The following CDX2 variants were observed in gnomAD, a reference collection of about 807,000 sequenced individuals.
CDX2 encodes homeobox protein CDX-2.
CDX2 carries 7 observed loss-of-function variants against 25.5 expected under a neutral mutation model. The observed-to-expected ratio is 0.27, with a 90% CI of 0.16 to 0.52. The LOEUF is 0.52. Ranked by LOEUF, CDX2 falls within the 20% of genes least tolerant of loss-of-function variation. The probability of loss-of-function intolerance (pLI) is 0.97; values close to 1 mark genes in which losing one functional copy is unlikely to be tolerated. For missense variants in CDX2, 375 were observed against 431.4 expected, an observed-to-expected ratio of 0.87 and a Z score of 1.16; for synonymous variants, 222 against 198.6, an observed-to-expected ratio of 1.12 and a Z score of -0.99.
chr13:27,969,178 C>CCCTCCCTCTGGCCTGCCT lies in CDX2; in HGVS notation c.-190_-173dup. On this transcript the variant is annotated 5_prime_UTR_variant, in exon 1 of 3. Transcript: ENST00000381020. ...GCGGCTCTTCTGCCTCCGAGGCGGT[C>CCCTCCCTCTGGCCTGCCT]CCTCCCTCTGGCCTGCCTCCTCCCT... is the stretch of plus-strand genomic sequence containing the variant. 1.8e-6 allele frequency: 1 copy of CCCTCCCTCTGGCCTGCCT among 559,840 alleles called. No homozygotes were observed. Among genetic ancestry groups the CCCTCCCTCTGGCCTGCCT allele is most frequent in the Admixed American group, 3.6e-5 (1 of 27,986 alleles). 34.7% of individuals were successfully genotyped at this position (559,840 alleles called of 1,614,324 possible).
At chr13:27,967,862 C>G (rs924455901) in intron 1 of CDX2, among the ~76,000 whole-genome samples, 1 of 152,160 alleles carries the variant, frequency 6.6e-6, no homozygotes, top group African/African-American at 2.4e-5. Flanking sequence ...GCCTTAGCAG[C>G]TGGGGCTAGC....
chr13:27,968,073 T>A (rs1869424031), intron 1 of CDX2, among the ~76,000 whole-genome samples: 1 of 152,118 alleles, frequency 6.6e-6, no homozygotes, highest in African/African-American at 2.4e-5. Flanking sequence ...GGTTCGAGCC[T>A]CCCTCTCTCC....
rs1371615066 is a variant in CDX2, at chr13:27,968,547, C to T, written c.460G>A (p.Glu154Lys). 1.3e-6 allele frequency: 2 copies of T among 1,568,466 alleles called. No individual in the cohort carries two copies. Among genetic ancestry groups the T allele is most frequent in the South Asian group, 1.1e-5 (1 of 87,934 alleles). ...PPGPAATAAA[E>K]QLSPGGQRRN... ...CGCTGGCCGCCGGGAGACAGCTGCTCGGCGGCAGCGGTGGCGGCGGGCCCA... is the reference window on the plus strand; with the variant it reads ...CGCTGGCCGCCGGGAGACAGCTGCTTGGCGGCAGCGGTGGCGGCGGGCCCA... The change falls in exon 1 of 3, where the codon GAG (glutamate) becomes AAG (lysine). Residue 154 changes from glutamate to lysine, a missense_variant. Glu to Lys is a moderately conservative substitution (Grantham distance 56). Coordinates refer to ENST00000381020, the MANE Select transcript of CDX2 (RefSeq NM_001265.6).
intron 2 of CDX2, among the ~76,000 whole-genome samples, chr13:27,963,963 T>C (rs1317923116): frequency 6.6e-6 from 1 of 152,218 alleles, no homozygotes; most frequent in Non-Finnish European, 1.5e-5. Flanking sequence ...CTTTAATATG[T>C]CTTTATAGAC....
chr13:27,965,489 A>G (rs1405494253), intron 1 of CDX2, among the ~76,000 whole-genome samples: 1 of 152,062 alleles, frequency 6.6e-6, no homozygotes, highest in Non-Finnish European at 1.5e-5. Flanking sequence ...TTGCTTTACT[A>G]CAAGTGGAAA....
rs181110828 is a variant in CDX2, at chr13:27,963,010, A to G, written c.*105T>C. 12 of 1,301,738 alleles carry G rather than the reference A, an allele frequency of 9.2e-6. No individual in the cohort carries two copies. The highest frequency in any genetic ancestry group is 3.0e-4 in the Middle Eastern group (1 of 3,364). 80.6% of individuals were successfully genotyped at this position (1,301,738 alleles called of 1,614,324 possible). A position where few individuals can be genotyped will look rare whatever the true frequency, so the allele number is the denominator to read the frequency against. On this transcript the variant is annotated 3_prime_UTR_variant, in exon 3 of 3. Transcript: ENST00000381020. Reference sequence around the variant, plus strand: ...CTCTGAGAGCCAGGTCTGTAGGTCTATGGCTGTGGGTGGGAGGGGAGGGGT... The same window carrying G: ...CTCTGAGAGCCAGGTCTGTAGGTCTGTGGCTGTGGGTGGGAGGGGAGGGGT...
chr13:27,968,155 A>G (rs1378186571), intron 1 of CDX2, among the ~76,000 whole-genome samples: 1 of 152,242 alleles, frequency 6.6e-6, no homozygotes, highest in Non-Finnish European at 1.5e-5. Context: ...GCCGGCGTCC[A>G]GCAGTGCTCA....
intron 1 of CDX2, among the ~76,000 whole-genome samples, chr13:27,965,486 A>C (rs1157873659): frequency 1.3e-5 from 2 of 152,110 alleles, no homozygotes; most frequent in African/African-American, 4.8e-5. Context: ...ACTTTGCTTT[A>C]CTACAAGTGG....
In CDX2 at chr13:27,962,851, C is replaced by A; in HGVS notation, c.*264G>T. On this transcript the variant is annotated 3_prime_UTR_variant, in exon 3 of 3. Transcript: ENST00000381020. ...AGTCCAGGCAATGCTTCTGCCAGTC[C>A]GGAATGAAGCCCAGCGGAGGCTTTC... The A allele has an allele frequency of 2.4e-6, 1 of 416,594 alleles. No individual in the cohort carries two copies. The highest frequency in any genetic ancestry group is 4.3e-6 in the Non-Finnish European group (1 of 234,452). 25.8% of individuals were successfully genotyped at this position (416,594 alleles called of 1,614,324 possible).
At chr13:27,966,171 C>G (rs1869312082) in intron 1 of CDX2, among the ~76,000 whole-genome samples, 1 of 152,238 alleles carries the variant, frequency 6.6e-6, no homozygotes, top group Non-Finnish European at 1.5e-5. Flanking sequence ...CCTTTCAATG[C>G]CTTAATAACA....
chr13:27,968,628 C>CCGGGTGGTG lies in CDX2; in HGVS notation c.370_378dup (p.His124_Pro126dup). ...CCAGAAGCGCAGGAAGGCGCGGCGGCCGGGTGGTGCGGGTGGTGATGCGGG... is the reference window on the plus strand; with the variant it reads ...CCAGAAGCGCAGGAAGGCGCGGCGGCCGGGTGGTGCGGGTGGTGCGGGTGGTGATGCGGG... On this transcript the variant is annotated inframe_insertion, in exon 1 of 3. Transcript: ENST00000381020. 6.5e-7 allele frequency: 1 copy of CCGGGTGGTG among 1,541,910 alleles called. No individual in the cohort carries two copies. The highest frequency in any genetic ancestry group is 8.7e-7 in the Non-Finnish European group (1 of 1,150,350).
At chr13:27,965,734 T>C (rs770253338) in intron 1 of CDX2, among the ~76,000 whole-genome samples, 7 of 152,250 alleles carry the variant, frequency 4.6e-5, no homozygotes, top group Non-Finnish European at 7.3e-5. Flanking sequence ...TCTATGCTCA[T>C]TGGATTGAGT....
rs1593186459 is a variant in CDX2, at chr13:27,969,142, G to T, written c.-136C>A. ...GCTGCGCCCCAGCCCGCGGTGCTCC[G>T]CTGGCTCCTCGCGGCTCTTCTGCCT... On this transcript the variant is annotated 5_prime_UTR_variant, in exon 1 of 3. Coordinates refer to ENST00000381020, the MANE Select transcript of CDX2 (RefSeq NM_001265.6). 3 of 612,400 alleles carry T rather than the reference G, an allele frequency of 4.9e-6. No homozygotes were observed. The highest frequency in any genetic ancestry group is 8.2e-6 in the Non-Finnish European group (3 of 364,880). The allele number at this position is 612,400 out of a possible 1,614,324, so 37.9% of individuals were successfully genotyped here.
Position 27,968,572 on chromosome 13 carries a change from A to G in CDX2, c.435T>C (p.Pro145=). 6.4e-7 allele frequency: 1 copy of G among 1,569,460 alleles called. No homozygotes were observed. Among genetic ancestry groups the G allele is most frequent in the Non-Finnish European group, 8.6e-7 (1 of 1,167,468 alleles). ...GLLQTLNPGP[P]GPAATAAAEQ... is the part of the protein sequence containing the mutation. ...CGGCGGCAGCGGTGGCGGCGGGCCC[A>G]GGAGGGCCGGGGTTGAGCGTTTGCA... Residue 145 remains proline, a synonymous_variant, in exon 1 of 3, where the codon CCT becomes CCC. Transcript: ENST00000381020.
Position 27,961,460 on chromosome 13 carries a change from G to C in CDX2, c.*1655C>G, listed in dbSNP as rs1163476961. 6.6e-6 allele frequency among the ~76,000 whole-genome samples: 1 copy of C among 152,170 alleles called. No homozygotes were observed. The highest frequency in any genetic ancestry group is 1.9e-4 in the East Asian group (1 of 5,176). ...CAAAAATTTTAAAGGCTGCAGCCCG[G>C]TCCCCAGTGGATCGGCCAGATAACA... On this transcript the variant is annotated 3_prime_UTR_variant, in exon 3 of 3. Coordinates refer to ENST00000381020, the MANE Select transcript of CDX2 (RefSeq NM_001265.6).
chr13:27,963,397 C>G (rs1566035832), intron 2 of CDX2, 28 bp from the exon 3 acceptor site: 1 of 1,519,654 alleles, frequency 6.6e-7, no homozygotes, highest in East Asian at 2.4e-5. Context: ...GAGAAAAGCA[C>G]ATTGTGGTGA....
chr13:27,964,962 G>T lies in CDX2; in HGVS notation c.595C>A (p.Leu199Met). 1 of 1,614,156 alleles carries T rather than the reference G, an allele frequency of 6.2e-7. No individual in the cohort carries two copies. The highest frequency in any genetic ancestry group is 8.5e-7 in the Non-Finnish European group (1 of 1,180,018). ...YRVVYTDHQR[L>M]ELEKEFHYSR... ...TAGTGAAACTCCTTCTCCAGCTCCAGCCGCTGGTGGTCCGTGTACACCACT... is the reference window on the plus strand; with the variant it reads ...TAGTGAAACTCCTTCTCCAGCTCCATCCGCTGGTGGTCCGTGTACACCACT... Residue 199 changes from leucine (L) to methionine (M), a missense_variant, in exon 2 of 3, where the codon CTG becomes ATG. By Grantham distance (15) the Leu-to-Met change is conservative. Coordinates refer to ENST00000381020, the MANE Select transcript of CDX2 (RefSeq NM_001265.6). This position sits in a 1 kb window ranked among gnomAD's most constrained non-coding sequence, Gnocchi z 4.7.
rs1566035198 is a variant in CDX2 at position 27,962,767 on chromosome 13, C to T, written c.*348G>A. 2 of 266,430 alleles carry T rather than the reference C, an allele frequency of 7.5e-6. No homozygotes were observed. Among genetic ancestry groups the T allele is most frequent in the East Asian group, 1.1e-4 (2 of 17,824 alleles). 16.5% of individuals were successfully genotyped at this position (266,430 alleles called of 1,614,324 possible). A position where few individuals can be genotyped will look rare whatever the true frequency, so the allele number is the denominator to read the frequency against. ...CCCTCGGCTCTAGCCAGAGGTGCAG[C>T]CTGCAGATCTAGGAAGAGAAGAGCT... On this transcript the variant is annotated 3_prime_UTR_variant, in exon 3 of 3. Coordinates refer to ENST00000381020, the MANE Select transcript of CDX2 (RefSeq NM_001265.6).
In CDX2 at chr13:27,963,233, A is replaced by G. The variant is rs776422936; in HGVS notation, c.824T>C (p.Leu275Pro). 1 of 1,613,612 alleles carries G rather than the reference A, an allele frequency of 6.2e-7. No individual in the cohort carries two copies. The highest frequency in any genetic ancestry group is 1.7e-5 in the Admixed American group (1 of 60,028). ...PQPPQPQPGP[L>P]RSVPEPLSPV... ...ACTCAAGGGCTCTGGGACACTTCTC[A>G]GAGGACCTGGCTGAGGCTGGGGAGG... The change falls in exon 3 of 3, where the codon CTG becomes CCG. Residue 275 changes from leucine to proline, a missense_variant. Transcript: ENST00000381020.
Sources: allele counts gnomAD v4.1 joint callset (sites outside exome capture counted in the v4.1 genomes callset), GRCh38; gene constraint gnomAD v4.1.1; non-coding constraint Gnocchi (gnomAD v3.1); transcripts MANE v1.5; gene names NCBI Gene and HGNC (gene_info 2026-07-23, HGNC 2026-07-21).